The following PCLO variants were observed in gnomAD, a reference collection of about 807,000 sequenced individuals.
The protein encoded by PCLO is piccolo presynaptic cytomatrix protein.
Under a neutral mutation model 427.5 loss-of-function variants are expected in PCLO, and 82 were observed. The ratio of observed to expected loss-of-function variants is 0.19; its 90% CI spans 0.16 to 0.23. The LOEUF is 0.23. Among genes scored for constraint, PCLO ranks in the 10% least tolerant of loss-of-function variants. The pLI, the probability that PCLO is intolerant of heterozygous loss-of-function variation, is 1.00. For synonymous variants in PCLO, 2,357 were observed against 2,155.4 expected (o/e 1.09, Z -2.59); for missense variants, 6,239 against 6,115.9 (o/e 1.02, Z -0.67).
chr7:83,011,299 A>AT (rs1007591894), intron 3 of PCLO, among the ~76,000 whole-genome samples: 2 of 151,456 alleles, frequency 1.3e-5, no homozygotes, highest in Non-Finnish European at 2.9e-5. Context: ...TAAATTTTAT[A>AT]TTTTTTTCAA....
In PCLO at chr7:82,955,044, T is replaced by A. The variant is rs1269547733; in HGVS notation, c.5909A>T (p.Asp1970Val). 6.2e-7 allele frequency: 1 copy of A among 1,613,872 alleles called. No individual in the cohort carries two copies. The change falls in exon 5 of 25, where the codon GAT (aspartate) becomes GTT (valine). Residue 1970 changes from aspartate to valine, a missense_variant. Physicochemically the swap from Asp to Val is radical, Grantham distance 152. This residue lies in a region of PCLO where 4,677 missense variants were observed against 4,468.4 expected (regional missense o/e 1.05). Coordinates refer to ENST00000333891, the MANE Select transcript of PCLO (RefSeq NM_033026.6). The stretch of plus-strand genomic sequence containing the variant: ...TTCTTGCCTTGTTAGCAGACTGCCA[T>A]CTACCGATCCATTGTACGTGTCTTC... ...LVEDTYNGSV[D>V]GSLLTRQEEE...
At chr7:83,099,441 T>C (rs1584023971) in intron 3 of PCLO, among the ~76,000 whole-genome samples, 1 of 150,412 alleles carries the variant, frequency 6.6e-6, no homozygotes, top group Non-Finnish European at 1.5e-5. Context: ...CAGGCTGGAG[T>C]GCAGTGGCAT....
Position 83,135,412 on chromosome 7 carries a change from T to A in PCLO, c.2138A>T (p.His713Leu), listed in dbSNP as rs1200208705. 2 of 1,613,814 alleles carry A rather than the reference T, an allele frequency of 1.2e-6. No homozygotes were observed. The highest frequency in any genetic ancestry group is 1.7e-5 in the Admixed American group (1 of 60,000). ...CTTGGCCTTGGCTGAAGGAGAGCCA[T>A]GAAGGGTTGGTTGTTTCACTAGTGG... ...PPPLVKQPTLHGSPSAKAKQP... is the reference protein window; with the variant it reads ...PPPLVKQPTLLGSPSAKAKQP... Residue 713 changes from histidine (H) to leucine (L), a missense_variant, in exon 3 of 25, where the codon CAT becomes CTT. This residue lies in a region of PCLO where 4,677 missense variants were observed against 4,468.4 expected (regional missense o/e 1.05). Coordinates refer to ENST00000333891, the MANE Select transcript of PCLO (RefSeq NM_033026.6).
intron 3 of PCLO, among the ~76,000 whole-genome samples, chr7:83,021,644 T>C (rs1183652982): frequency 6.6e-6 from 1 of 152,158 alleles, no homozygotes; most frequent in Non-Finnish European, 1.5e-5. Context: ...CATATAGAAA[T>C]AAAAACATAT....
rs142654838 is a variant in PCLO, at chr7:83,013,248, T to C, written c.3301-46761A>G. Among the ~76,000 whole-genome samples, 39 of 152,310 alleles carry C rather than the reference T, an allele frequency of 2.6e-4. No individual in the cohort carries two copies. The East Asian group carries it at 6.6e-3, about 26-fold the overall frequency. ...ACTGATAACAATACACCATTAATAATATAAGTTTTACATTTCAGTTTGGCA... is the reference window on the plus strand; with the variant it reads ...ACTGATAACAATACACCATTAATAACATAAGTTTTACATTTCAGTTTGGCA... On this transcript the variant is annotated intron_variant, in intron 3 of 24. Coordinates refer to ENST00000333891, the MANE Select transcript of PCLO (RefSeq NM_033026.6).
At chr7:83,112,383 A>G (rs952418522) in intron 3 of PCLO, among the ~76,000 whole-genome samples, 2 of 152,146 alleles carry the variant, frequency 1.3e-5, no homozygotes, top group African/African-American at 4.8e-5. Context: ...GAACGGGAAT[A>G]AACTATTATA....
intron 22 of PCLO, among the ~76,000 whole-genome samples, chr7:82,780,643 G>C (rs1332757463): frequency 6.6e-6 from 1 of 152,184 alleles, no homozygotes; most frequent in Non-Finnish European, 1.5e-5. Flanking sequence ...CGCCTCCCGG[G>C]TTCTCGCCAT....
At chr7:83,149,589 A>G (rs1792079680) in intron 2 of PCLO, among the ~76,000 whole-genome samples, 1 of 152,168 alleles carries the variant, frequency 6.6e-6, no homozygotes, top group South Asian at 2.1e-4. Context: ...CTAAAAAGAG[A>G]ACATCCTCTT....
intron 3 of PCLO, among the ~76,000 whole-genome samples, chr7:83,059,381 A>ATATATATATATATATATATATAT (rs757350399): frequency 3.2e-3 from 309 of 95,682 alleles, no homozygotes; most frequent in East Asian, 8.5e-3. Flanking sequence ...TATATATATA[A>ATATATATATATATATATATATAT]AAATGAAAAA....
intron 18 of PCLO, among the ~76,000 whole-genome samples, chr7:82,825,358 C>G (rs971873828): frequency 5.9e-5 from 9 of 151,966 alleles, no homozygotes; most frequent in African/African-American, 2.2e-4. Context: ...AGGCATAATA[C>G]TAATCTAGAG....
At chr7:82,965,735 C>A (rs1436838514) in intron 4 of PCLO, 36 bp downstream of exon 4, 1 of 1,415,228 alleles carries the variant, frequency 7.1e-7, no homozygotes, top group Non-Finnish European at 9.7e-7. Flanking sequence ...TAATTTCACA[C>A]ATGAGAGTGT....
chr7:83,026,620 A>G (rs1255887886), intron 3 of PCLO, among the ~76,000 whole-genome samples: 5 of 151,782 alleles, frequency 3.3e-5, no homozygotes, highest in Admixed American at 2.6e-4. Context: ...AGACATCTAC[A>G]GAACTCTCCA....
chr7:82,985,279 G>A (rs1583872520), intron 3 of PCLO, among the ~76,000 whole-genome samples: 1 of 152,150 alleles, frequency 6.6e-6, no homozygotes, highest in East Asian at 1.9e-4. Context: ...TAGTCACAGA[G>A]TACATTTAAG....
chr7:82,794,470 T>TTTTTGTTTTTG (rs1562789423), intron 22 of PCLO, among the ~76,000 whole-genome samples: 2 of 95,482 alleles, frequency 2.1e-5, no homozygotes, highest in East Asian at 5.7e-4. Flanking sequence ...TTTTTTTTTT[T>TTTTTGTTTTTG]TTTTTTTTTT....
At position 83,144,276 on chromosome 7, in the gene PCLO, C is replaced by A. The variant is rs141280796; in HGVS notation, c.1894-8620G>T. Among the ~76,000 whole-genome samples the A allele has an allele frequency of 9.2e-3, 1,406 of 152,126 alleles. 15 individuals carry two copies. Among genetic ancestry groups the A allele is most frequent in the Non-Finnish European group, 0.013 (871 of 67,994 alleles). On this transcript the variant is annotated intron_variant, in intron 2 of 24. Coordinates refer to ENST00000333891, the MANE Select transcript of PCLO (RefSeq NM_033026.6). ...GTCTCTACTAAAAATACAAAATTAGCCAAGTGAGGTGGCACATGCCTGTAA... is the reference window on the plus strand; with the variant it reads ...GTCTCTACTAAAAATACAAAATTAGACAAGTGAGGTGGCACATGCCTGTAA...
chr7:82,761,514 T>C lies in PCLO; in HGVS notation c.15008-21A>G, dbSNP rs777516857. 4 of 1,564,330 alleles carry C rather than the reference T, an allele frequency of 2.6e-6. No homozygotes were observed. The South Asian group carries it at 4.5e-5, about 18-fold the overall frequency. On this transcript the variant is annotated intron_variant, in intron 22 of 24. Coordinates refer to ENST00000333891, the MANE Select transcript of PCLO (RefSeq NM_033026.6). ...TTTAGCTGGGAGAATTTAATAAAAA[T>C]GCAAAGAAGTATGTAATGCCATATA...
chr7:83,122,533 A>G (rs1242759504), intron 3 of PCLO, among the ~76,000 whole-genome samples: 1 of 151,938 alleles, frequency 6.6e-6, no homozygotes, highest in Non-Finnish European at 1.5e-5. Flanking sequence ...TGATCCACCC[A>G]CCTGGGCCTC....
At chr7:82,928,531 C>T (rs1380971770) in intron 6 of PCLO, among the ~76,000 whole-genome samples, 3 of 152,132 alleles carry the variant, frequency 2.0e-5, no homozygotes, top group Non-Finnish European at 4.4e-5. Context: ...CAGGCACCTG[C>T]TACCACGCTC....
intron 3 of PCLO, among the ~76,000 whole-genome samples, chr7:83,119,400 A>G (rs1419373907): frequency 6.6e-6 from 1 of 152,136 alleles, no homozygotes; most frequent in Non-Finnish European, 1.5e-5. Context: ...TCTCCTGGAT[A>G]TTACTGAAGT....
Sources: gnomAD v4.1 joint callset for allele counts (sites outside exome capture counted in the v4.1 genomes callset) on GRCh38, gnomAD v4.1.1 for gene constraint, gnomAD v4.1.1 regional missense constraint, MANE v1.5 for transcripts, NCBI Gene and HGNC (gene_info 2026-07-23, HGNC 2026-07-21) for gene names.